Variants in EPHB1 observed in about 807,000 individuals in gnomAD.
EPHB1 encodes EPH receptor B1.
Under a neutral mutation model 94.4 loss-of-function variants are expected in EPHB1, and 30 were observed. The ratio of observed to expected loss-of-function variants is 0.32; its 90% CI spans 0.24 to 0.43. EPHB1 has a LOEUF of 0.43. Ranked by LOEUF, EPHB1 falls within the 20% of genes least tolerant of loss-of-function variation. EPHB1 has a pLI of 1.00. For missense variants in EPHB1, 1,055 were observed against 1,308.3 expected (o/e 0.81, Z 2.99); for synonymous variants, 522 against 489.1 (o/e 1.07, Z -0.89).
chr3:134,922,683 G>A (rs538634059), intron 1 of EPHB1, among the ~76,000 whole-genome samples: 2 of 152,306 alleles, frequency 1.3e-5, no homozygotes, highest in Non-Finnish European at 2.9e-5. Context: ...TGCTGTTGGG[G>A]TGGGGGATGC....
At chr3:134,956,613 G>C (rs149412930) in intron 3 of EPHB1, among the ~76,000 whole-genome samples, 1 of 152,244 alleles carries the variant, frequency 6.6e-6, no homozygotes, top group South Asian at 2.1e-4. Flanking sequence ...CTAACCTAAA[G>C]ATAGGGGCTG....
intron 1 of EPHB1, among the ~76,000 whole-genome samples, chr3:134,923,727 A>G (rs1269026404): frequency 1.3e-5 from 2 of 152,126 alleles, no homozygotes; most frequent in Non-Finnish European, 2.9e-5. Context: ...TGCTCCTAGG[A>G]TGGGTTTCTC....
Position 134,813,660 on chromosome 3 carries a change from T to G in EPHB1, c.58+17971T>G, listed in dbSNP as rs2036216659. ...AGGTTTCCAGCTTTTCTGGTTCTTG[T>G]TGCATTCAAGCCATAGAGAATGCCT... On this transcript the variant is annotated intron_variant, in intron 1 of 15. Coordinates refer to ENST00000398015, the MANE Select transcript of EPHB1 (RefSeq NM_004441.5). 1.3e-5 allele frequency among the ~76,000 whole-genome samples: 2 copies of G among 152,210 alleles called. 1 individual carries two copies. Among genetic ancestry groups the G allele is most frequent in the South Asian group, 4.1e-4 (2 of 4,826 alleles).
chr3:135,102,864 A>T (rs1261220106), intron 3 of EPHB1, among the ~76,000 whole-genome samples: 1 of 152,210 alleles, frequency 6.6e-6, no homozygotes, highest in Non-Finnish European at 1.5e-5. Flanking sequence ...TTCTCAGCAA[A>T]CTAACACAGA....
intron 1 of EPHB1, among the ~76,000 whole-genome samples, chr3:134,836,803 T>C (rs2036680675): frequency 6.6e-6 from 1 of 152,240 alleles, no homozygotes; most frequent in Non-Finnish European, 1.5e-5. Flanking sequence ...TACTTTCTTC[T>C]TCCTGTTAAT....
intron 1 of EPHB1, among the ~76,000 whole-genome samples, chr3:134,884,207 G>T (rs535626302): frequency 4.4e-4 from 67 of 152,340 alleles, no homozygotes; most frequent in African/African-American, 1.6e-3. Context: ...AGTCCCATGT[G>T]CTAAGGCTGG....
At chr3:135,062,123 G>T (rs1370846784) in intron 3 of EPHB1, among the ~76,000 whole-genome samples, 2 of 152,184 alleles carry the variant, frequency 1.3e-5, no homozygotes, top group African/African-American at 4.8e-5. Flanking sequence ...CCATATCTTT[G>T]CAATTGTGAA....
intron 5 of EPHB1, among the ~76,000 whole-genome samples, chr3:135,149,262 A>T (rs1941115726): frequency 6.6e-6 from 1 of 152,198 alleles, no homozygotes. Flanking sequence ...TCTTTCTCTC[A>T]GTAGAATGTG....
chr3:134,915,927 T>C (rs2038559678), intron 1 of EPHB1, among the ~76,000 whole-genome samples: 1 of 152,188 alleles, frequency 6.6e-6, no homozygotes, highest in Non-Finnish European at 1.5e-5. Context: ...TTGCCACTGC[T>C]GGCTGGGGCA....
intron 6 of EPHB1, among the ~76,000 whole-genome samples, chr3:135,158,870 A>G (rs1157951874): frequency 2.0e-5 from 3 of 152,232 alleles, no homozygotes. Context: ...CATAATAACT[A>G]TATAGGCTAG....
intron 1 of EPHB1, among the ~76,000 whole-genome samples, chr3:134,910,699 G>T (rs761361090): frequency 2.0e-5 from 3 of 152,188 alleles, no homozygotes; most frequent in Admixed American, 6.5e-5. Flanking sequence ...AGTCAGAGGG[G>T]TAGCACTGGA....
Position 134,922,881 on chromosome 3 carries a change from T to G in EPHB1, c.59-2935T>G, listed in dbSNP as rs371840178. The stretch of plus-strand genomic sequence containing the variant: ...TGAGAGAAAGCACTGCACCTTCCTG[T>G]ACCCCGATTCCCAACTCCGCCACAA... On this transcript the variant is annotated intron_variant, in intron 1 of 15. Transcript: ENST00000398015. 2.0e-4 allele frequency among the ~76,000 whole-genome samples: 30 copies of G among 152,346 alleles called. No homozygotes were observed. The East Asian group carries it at 5.8e-3, about 29-fold the overall frequency.
intron 12 of EPHB1, among the ~76,000 whole-genome samples, chr3:135,205,152 T>A (rs1340103080): frequency 6.6e-6 from 1 of 152,180 alleles, no homozygotes; most frequent in Non-Finnish European, 1.5e-5. Context: ...TGAATAGTAC[T>A]CCATTGTGTA....
chr3:135,172,301 A>G (rs905760338), intron 9 of EPHB1, among the ~76,000 whole-genome samples: 13 of 152,238 alleles, frequency 8.5e-5, no homozygotes, highest in Non-Finnish European at 7.3e-5. Context: ...ATGAGATTAA[A>G]TGGCACCATC....
intron 5 of EPHB1, among the ~76,000 whole-genome samples, chr3:135,134,443 G>A (rs1465810271): frequency 3.9e-5 from 6 of 152,170 alleles, no homozygotes; most frequent in Admixed American, 2.0e-4. Flanking sequence ...AGGTGTCGTA[G>A]GAGAGCATGT....
intron 3 of EPHB1, among the ~76,000 whole-genome samples, chr3:135,060,704 T>C (rs1362932944): frequency 6.6e-6 from 1 of 152,214 alleles, no homozygotes; most frequent in Non-Finnish European, 1.5e-5. Context: ...AGATGTTTGA[T>C]AGAGGCATAC....
intron 3 of EPHB1, among the ~76,000 whole-genome samples, chr3:134,990,967 C>T (rs1407964701): frequency 6.6e-6 from 1 of 152,084 alleles, no homozygotes; most frequent in Non-Finnish European, 1.5e-5. Context: ...AAGTTAAATC[C>T]TTACGGATAA....
chr3:134,967,828 A>C (rs560399903), intron 3 of EPHB1, among the ~76,000 whole-genome samples: 1 of 152,368 alleles, frequency 6.6e-6, no homozygotes, highest in South Asian at 2.1e-4. Context: ...TGATGGATGC[A>C]CATGAGAAGA....
At position 135,238,432 on chromosome 3, in the gene EPHB1, G is replaced by A. The variant is rs369483054; in HGVS notation, c.2347-2716G>A. Among the ~76,000 whole-genome samples the A allele has an allele frequency of 3.0e-4, 46 of 152,322 alleles. 1 individual carries two copies. In the East Asian group the frequency reaches 3.1e-3, roughly 10 times the overall value. On this transcript the variant is annotated intron_variant, in intron 12 of 15. Transcript: ENST00000398015. ...GCAGGAGGGCTGTAGGCTCCTTGCC[G>A]TGGGCCAGGCACTGCCACTTTCCAG...
Sources: gnomAD v4.1 joint callset for allele counts (sites outside exome capture counted in the v4.1 genomes callset) on GRCh38, gnomAD v4.1.1 for gene constraint, MANE v1.5 for transcripts, NCBI Gene and HGNC (gene_info 2026-07-23, HGNC 2026-07-21) for gene names.